KIF4A: variants seen among roughly 807,000 people sequenced by gnomAD.
KIF4A encodes kinesin family member 4A.
In KIF4A, 7 loss-of-function variants were observed where a neutral mutation model predicts 105.9. The observed-to-expected ratio is 0.07, with a 90% confidence interval of 0.04 to 0.12. The LOEUF (loss-of-function observed/expected upper bound fraction) is 0.12. KIF4A is among the 10% of genes least tolerant of loss of function. The pLI is 1.00. For missense variants in KIF4A, 558 were observed against 929.2 expected, an observed-to-expected ratio of 0.60 and a Z score of 5.19; for synonymous variants, 281 against 331.3, an observed-to-expected ratio of 0.85 and a Z score of 1.65.
chrX:70,361,309 A>G (rs2086074487), intron 15 of KIF4A, among the ~76,000 whole-genome samples: 2 of 113,784 alleles, frequency 1.8e-5, no homozygotes, highest in Non-Finnish European at 3.7e-5. Flanking sequence ...TGCAGCATGC[A>G]TGGGGCCTTG....
chrX:70,344,143 T>C (rs750345431), intron 13 of KIF4A, among the ~76,000 whole-genome samples, 161 bp downstream of exon 13: 2 of 112,115 alleles, frequency 1.8e-5, no homozygotes, highest in South Asian at 7.4e-4. Flanking sequence ...GAATATTGAG[T>C]TTGTTAAAAC....
intron 20 of KIF4A, among the ~76,000 whole-genome samples, chrX:70,388,199 A>C (rs1006888342): frequency 1.8e-5 from 2 of 111,529 alleles, no homozygotes; most frequent in Non-Finnish European, 3.8e-5. Context: ...AGATTCATCC[A>C]TGTGGTTGCA....
intron 7 of KIF4A, among the ~76,000 whole-genome samples, chrX:70,314,854 G>T (rs2085863678): frequency 9.0e-6 from 1 of 111,124 alleles, no homozygotes; most frequent in Admixed American, 9.6e-5. Context: ...TGTGTCATAT[G>T]CTTCAGTGTG....
intron 16 of KIF4A, 69 bp from the exon 17 acceptor site, chrX:70,375,135 C>G: frequency 9.0e-7 from 1 of 1,114,193 alleles, no homozygotes; most frequent in Non-Finnish European, 1.2e-6. Flanking sequence ...CTCTGGGAGT[C>G]TAGTATTATG....
intron 7 of KIF4A, among the ~76,000 whole-genome samples, chrX:70,303,518 G>A (rs1332933893): frequency 8.9e-6 from 1 of 111,816 alleles, no homozygotes; most frequent in Non-Finnish European, 1.9e-5. Context: ...TTATTATACT[G>A]TTGGCACTGA....
chrX:70,330,153 T>C lies in KIF4A; in HGVS notation c.896-4T>C. On this transcript the variant is annotated splice_region_variant and splice_polypyrimidine_tract_variant and intron_variant, in intron 8 of 30. Coordinates refer to ENST00000374403, the MANE Select transcript of KIF4A (RefSeq NM_012310.5). ...TTTCGTTATTCTTTATTGTTCTTTTTCAGATTCTCTAGGAGGTAATAGCCA... is the reference window on the plus strand; with the variant it reads ...TTTCGTTATTCTTTATTGTTCTTTTCCAGATTCTCTAGGAGGTAATAGCCA... 8.6e-7 allele frequency: 1 copy of C among 1,168,989 alleles called. No homozygotes were observed. The highest frequency in any genetic ancestry group is 2.1e-5 in the South Asian group (1 of 48,387).
chrX:70,294,619 A>G (rs1314473775), intron 3 of KIF4A, among the ~76,000 whole-genome samples: 2 of 112,678 alleles, frequency 1.8e-5, no homozygotes, highest in African/African-American at 6.4e-5. Flanking sequence ...TCGTGTATAC[A>G]TTCCACATGA....
At position 70,343,985 on chromosome X, in the gene KIF4A, A is replaced by G; in HGVS notation, c.1431+3A>G. 8.6e-7 allele frequency: 1 copy of G among 1,162,497 alleles called. No homozygotes were observed. ...AGCAATTGATTACCCAGTTATCGGTAAGCCAAGTAGGGGCAGTGTAAATAG... is the reference window on the plus strand; with the variant it reads ...AGCAATTGATTACCCAGTTATCGGTGAGCCAAGTAGGGGCAGTGTAAATAG... On this transcript the variant is annotated splice_donor_region_variant and intron_variant, in intron 13 of 30. Transcript: ENST00000374403.
At chrX:70,363,918 T>C (rs1299334794) in intron 15 of KIF4A, among the ~76,000 whole-genome samples, 3 of 112,057 alleles carry the variant, frequency 2.7e-5, no homozygotes, top group African/African-American at 9.7e-5. Context: ...TTCCTGACTT[T>C]AATGATCACC....
In KIF4A at chrX:70,325,013, CAAAGTAATACTTATA is replaced by C. The variant is rs771229731; in HGVS notation, c.779-4388_779-4374del. On this transcript the variant is annotated intron_variant, in intron 7 of 30. Transcript: ENST00000374403. ...CCCAGGCTGGTCGTGAACTCCTGGACAAAGTAATACTTATAAAATCCGAAGTTGGTCATGTTTCCA... is the reference window on the plus strand; with the variant it reads ...CCCAGGCTGGTCGTGAACTCCTGGACAAATCCGAAGTTGGTCATGTTTCCA... 1.3e-4 allele frequency among the ~76,000 whole-genome samples: 14 copies of C among 111,708 alleles called. No individual in the cohort carries two copies. In the Admixed American group the frequency reaches 1.3e-3, roughly 11 times the overall value.
intron 20 of KIF4A, among the ~76,000 whole-genome samples, chrX:70,392,325 G>C (rs2086240512): frequency 1.8e-5 from 2 of 111,863 alleles, no homozygotes; most frequent in Non-Finnish European, 3.8e-5. Flanking sequence ...TTTGCTTTTT[G>C]GGGAGAGGGA....
At chrX:70,384,103 C>T (rs931293792) in intron 18 of KIF4A, among the ~76,000 whole-genome samples, 2 of 111,669 alleles carry the variant, frequency 1.8e-5, no homozygotes, top group Admixed American at 9.6e-5. Flanking sequence ...GGAGACATCT[C>T]TATAAAGTGA....
chrX:70,374,603 T>C (rs1171633568), intron 16 of KIF4A, among the ~76,000 whole-genome samples: 1 of 111,765 alleles, frequency 8.9e-6, no homozygotes, highest in Non-Finnish European at 1.9e-5. Context: ...ATTATCACAC[T>C]TACTAGATAA....
rs771460409 is a variant in KIF4A at position 70,402,508 on chromosome X, TC to T, written c.2490-53del. On this transcript the variant is annotated intron_variant, in intron 22 of 30. Coordinates refer to ENST00000374403, the MANE Select transcript of KIF4A (RefSeq NM_012310.5). ...ATTTGAAGTTTCTCCTCAGAGCTCTTCCCCCTTCTTGATGTTCAGGCTACTT... is the reference window on the plus strand; with the variant it reads ...ATTTGAAGTTTCTCCTCAGAGCTCTTCCCCTTCTTGATGTTCAGGCTACTT... 2.4e-4 allele frequency: 286 copies of T among 1,169,852 alleles called. No individual in the cohort carries two copies. In the African/African-American group the frequency reaches 4.8e-3, roughly 19 times the overall value.
chrX:70,334,960 G>A (rs1192141743), intron 10 of KIF4A, among the ~76,000 whole-genome samples: 1 of 111,867 alleles, frequency 8.9e-6, no homozygotes, highest in East Asian at 2.8e-4. Flanking sequence ...GTAAAATGAT[G>A]TAACTACTGT....
chrX:70,325,039 T>C (rs1405458258), intron 7 of KIF4A, among the ~76,000 whole-genome samples: 1 of 112,021 alleles, frequency 8.9e-6, no homozygotes, highest in Non-Finnish European at 1.9e-5. Context: ...AAATCCGAAG[T>C]TGGTCATGTT....
At chrX:70,298,324 G>A (rs898898667) in intron 4 of KIF4A, among the ~76,000 whole-genome samples, 22 of 110,752 alleles carry the variant, frequency 2.0e-4, no homozygotes, top group African/African-American at 6.9e-4. Flanking sequence ...TCCAGCTCCT[G>A]CTCAAGCGAT....
intron 15 of KIF4A, among the ~76,000 whole-genome samples, chrX:70,361,793 C>T (rs1487176052): frequency 8.9e-6 from 1 of 111,992 alleles, no homozygotes; most frequent in East Asian, 2.8e-4. Context: ...CTGCAGTGAC[C>T]ATACTGGGTG....
intron 18 of KIF4A, among the ~76,000 whole-genome samples, chrX:70,377,129 G>C (rs1315793627): frequency 9.0e-6 from 1 of 111,241 alleles, no homozygotes; most frequent in East Asian, 2.8e-4. Flanking sequence ...CTGGAGTACA[G>C]TGGTGCAATC....
Sources: allele counts gnomAD v4.1 joint callset (sites outside exome capture counted in the v4.1 genomes callset), GRCh38; gene constraint gnomAD v4.1.1; transcripts MANE v1.5; gene names NCBI Gene and HGNC (gene_info 2026-07-23, HGNC 2026-07-21).